Variants in MSI1 observed in about 807,000 individuals in gnomAD.
The protein encoded by MSI1 is RNA-binding protein Musashi homolog 1.
Under a neutral mutation model 54.4 loss-of-function variants are expected in MSI1, and 15 were observed. The ratio of observed to expected loss-of-function variants is 0.28; its 90% confidence interval spans 0.18 to 0.42. The LOEUF is 0.42. MSI1 is among the 20% of genes least tolerant of loss of function. MSI1 has a pLI of 1.00. For missense variants in MSI1, 304 were observed against 506.0 expected (o/e 0.60, Z 3.83); for synonymous variants, 200 against 196.5 (o/e 1.02, Z -0.15).
chr12:120,351,239 C>A, intron 11 of MSI1, 105 bp downstream of exon 11: 2 of 1,093,508 alleles, frequency 1.8e-6, no homozygotes, highest in Non-Finnish European at 1.4e-6. Context: ...GGAGGGCTGG[C>A]GGGCAGGAGA....
In MSI1 at chr12:120,368,938, G is replaced by A; in HGVS notation, c.60-65C>T. 1 of 1,275,044 alleles carries A rather than the reference G, an allele frequency of 7.8e-7. No individual in the cohort carries two copies. Among genetic ancestry groups the A allele is most frequent in the South Asian group, 2.0e-5 (1 of 48,900 alleles). 79.0% of individuals were successfully genotyped at this position (1,275,044 alleles called of 1,614,324 possible). ...CCGGGCGCCAGGGCGCAGGGGGCGCGGGCCCGGGCTCCGGGGAGGCCCGGC... is the reference window on the plus strand; with the variant it reads ...CCGGGCGCCAGGGCGCAGGGGGCGCAGGCCCGGGCTCCGGGGAGGCCCGGC... On this transcript the variant is annotated intron_variant, in intron 1 of 14. Transcript: ENST00000257552. This position sits in a 1 kb window ranked among gnomAD's most constrained non-coding sequence, Gnocchi z 6.6.
chr12:120,339,875 C>T (rs1873609664), downstream of MSI1, among the ~76,000 whole-genome samples: 1 of 151,542 alleles, frequency 6.6e-6, no homozygotes, highest in Non-Finnish European at 1.5e-5. Context: ...GTCTCCCTGG[C>T]TCAAGAAATC....
In MSI1 at chr12:120,364,762, GA is replaced by G; in HGVS notation, c.268-8del. 1 of 1,599,514 alleles carries G rather than the reference GA, an allele frequency of 6.3e-7. No homozygotes were observed. Among genetic ancestry groups the G allele is most frequent in the Non-Finnish European group, 8.5e-7 (1 of 1,173,198 alleles). Reference sequence around the variant, plus strand: ...AGGCCACCTTAGGGTCAATCTACAAGAAAAGGGAGAGGTAGAAGGGGTCTTG... The same window carrying G: ...AGGCCACCTTAGGGTCAATCTACAAGAAAGGGAGAGGTAGAAGGGGTCTTG... On this transcript the variant is annotated splice_region_variant and splice_polypyrimidine_tract_variant and intron_variant, in intron 4 of 14. Coordinates refer to ENST00000257552, the MANE Select transcript of MSI1 (RefSeq NM_002442.4).
chr12:120,347,294 G>A (rs905460437), intron 12 of MSI1, 152 bp downstream of exon 12: 18 of 1,009,336 alleles, frequency 1.8e-5, no homozygotes, highest in South Asian at 4.5e-5. Flanking sequence ...ATGCTGGCAC[G>A]ATGCCCAGCA....
intron 5 of MSI1, among the ~76,000 whole-genome samples, 195 bp from the exon 6 acceptor site, chr12:120,363,330 C>T (rs796565882): frequency 6.7e-6 from 1 of 150,232 alleles, no homozygotes; most frequent in African/African-American, 2.5e-5. Flanking sequence ...TGCACCCACA[C>T]CCTGGCTGGC....
At chr12:120,366,659 G>A (rs1565895089) in intron 4 of MSI1, among the ~76,000 whole-genome samples, 1 of 152,142 alleles carries the variant, frequency 6.6e-6, no homozygotes, top group Non-Finnish European at 1.5e-5. Flanking sequence ...AAAGGTGAAA[G>A]TCAGAGCTCA....
rs950745273 is a variant in MSI1 at position 120,342,503 on chromosome 12, C to G, written c.*624G>C. 2 of 152,404 alleles carry G rather than the reference C, an allele frequency of 1.3e-5. No individual in the cohort carries two copies. Among genetic ancestry groups the G allele is most frequent in the African/African-American group, 4.8e-5 (2 of 41,384 alleles). The allele number at this position is 152,404 out of a possible 1,614,324, so 9.4% of individuals were successfully genotyped here. ...CCTGGCCTCCCCGCAGCCCTGCCCT[C>G]CTCTCCAGGGCTGGAGGGAGGCGGC... On this transcript the variant is annotated 3_prime_UTR_variant, in exon 15 of 15. Coordinates refer to ENST00000257552, the MANE Select transcript of MSI1 (RefSeq NM_002442.4).
chr12:120,355,871 C>T (rs1461462462), intron 9 of MSI1, among the ~76,000 whole-genome samples: 1 of 140,880 alleles, frequency 7.1e-6, no homozygotes, highest in African/African-American at 3.1e-5. Context: ...CGTGCCCCCT[C>T]CTCTGAATTC....
Position 120,342,042 on chromosome 12 carries a change from C to T in MSI1, c.*1085G>A, listed in dbSNP as rs554919969. 1.3e-5 allele frequency: 2 copies of T among 152,602 alleles called. No individual in the cohort carries two copies. Among genetic ancestry groups the T allele is most frequent in the South Asian group, 2.1e-4 (1 of 4,816 alleles). 9.5% of individuals were successfully genotyped at this position (152,602 alleles called of 1,614,324 possible). On this transcript the variant is annotated 3_prime_UTR_variant, in exon 15 of 15. Coordinates refer to ENST00000257552, the MANE Select transcript of MSI1 (RefSeq NM_002442.4). ...AGAATGTGGGGGTTCCCTGAGACGC[C>T]CTTTGCTTTCCCCTGGGGTCTGCCC...
intron 6 of MSI1, among the ~76,000 whole-genome samples, chr12:120,359,576 T>G (rs1875456061): frequency 6.6e-6 from 1 of 152,086 alleles, no homozygotes; most frequent in South Asian, 2.1e-4. Context: ...TTAAAGCAAG[T>G]AGAGTTCAGT....
At chr12:120,351,546 T>C in intron 10 of MSI1, 146 bp from the exon 11 acceptor site, 1 of 663,952 alleles carries the variant, frequency 1.5e-6, no homozygotes, top group Non-Finnish European at 2.6e-6. Flanking sequence ...GAGAGCACAG[T>C]TCCCAGAAGG....
intron 9 of MSI1, among the ~76,000 whole-genome samples, chr12:120,355,274 G>A (rs748806145): frequency 7.3e-5 from 11 of 151,514 alleles, no homozygotes; most frequent in African/African-American, 9.7e-5. Context: ...GCACGGTGGC[G>A]GGCGCCTGTA....
chr12:120,367,683 G>T (rs947246076), intron 4 of MSI1, among the ~76,000 whole-genome samples: 1 of 152,092 alleles, frequency 6.6e-6, no homozygotes, highest in African/African-American at 2.4e-5. Context: ...CCCAATTTGG[G>T]CTGGGGGAGG....
At position 120,368,145 on chromosome 12, in the gene MSI1, G is replaced by C; in HGVS notation, c.182+47C>G. ...ATGGTTACAAGGCAGTGAGTGGCGG[G>C]TGGAGGGGGGCGAGCCGGGAGCAGG... On this transcript the variant is annotated intron_variant, in intron 3 of 14. Transcript: ENST00000257552. The surrounding 1 kb of genome is among the most constrained non-coding windows in gnomAD (Gnocchi z 6.6). 1 of 1,587,982 alleles carries C rather than the reference G, an allele frequency of 6.3e-7. No individual in the cohort carries two copies. The highest frequency in any genetic ancestry group is 8.6e-7 in the Non-Finnish European group (1 of 1,167,022).
rs1346084971 is a variant in MSI1 at position 120,342,977 on chromosome 12, GC to G, written c.*149del. On this transcript the variant is annotated 3_prime_UTR_variant, in exon 15 of 15. Coordinates refer to ENST00000257552, the MANE Select transcript of MSI1 (RefSeq NM_002442.4). ...TTGGGGGCAGCAGGGCAGGGGCCGG[GC>G]CCGGGGAGTTGGGGGCAGGCAGTAG... is the stretch of plus-strand genomic sequence containing the variant. 6.7e-6 allele frequency: 1 copy of G among 150,070 alleles called. No individual in the cohort carries two copies. The highest frequency in any genetic ancestry group is 1.5e-5 in the Non-Finnish European group (1 of 67,740). 9.3% of individuals were successfully genotyped at this position (150,070 alleles called of 1,614,324 possible). A position where few individuals can be genotyped will look rare whatever the true frequency, so the allele number is the denominator to read the frequency against.
chr12:120,353,506 T>G, intron 9 of MSI1, 127 bp from the exon 10 acceptor site: 2 of 792,484 alleles, frequency 2.5e-6, no homozygotes, highest in Non-Finnish European at 4.3e-6. Context: ...ACCCTCCAAA[T>G]ACCTTCTTCA....
chr12:120,368,058 C>G lies in MSI1; in HGVS notation c.217G>C (p.Gly73Arg). 6.2e-7 allele frequency: 1 copy of G among 1,613,852 alleles called. No individual in the cohort carries two copies. Among genetic ancestry groups the G allele is most frequent in the Non-Finnish European group, 8.5e-7 (1 of 1,179,912 alleles). The change falls in exon 4 of 15, where the codon GGG (glycine) becomes CGG (arginine). Residue 73 changes from glycine (G) to arginine (R), a missense_variant. By Grantham distance (125) the Gly-to-Arg change is moderately radical (BLOSUM62 -2). Coordinates refer to ENST00000257552, the MANE Select transcript of MSI1 (RefSeq NM_002442.4). This position sits in a 1 kb window ranked among gnomAD's most constrained non-coding sequence, Gnocchi z 6.6. ...FGFVTFMDQA[G>R]VDKVLAQSRH... ...GATTGCGCCAGCACTTTATCCACCC[C>G]CGCCTGGTCCATGAAAGTGACGAAG...
In MSI1 at chr12:120,368,376, G is replaced by A. The variant is rs1448855716; in HGVS notation, c.101-103C>T. On this transcript the variant is annotated intron_variant, in intron 2 of 14. Coordinates refer to ENST00000257552, the MANE Select transcript of MSI1 (RefSeq NM_002442.4). The surrounding 1 kb of genome is among the most constrained non-coding windows in gnomAD (Gnocchi z 6.6). ...CCCGGAGCGGCCCGGCCGCCCCCGC[G>A]CCAAGCTGCCCGCGCGTTCTCCACT... 4 of 1,199,836 alleles carry A rather than the reference G, an allele frequency of 3.3e-6. No homozygotes were observed. Among genetic ancestry groups the A allele is most frequent in the South Asian group, 3.0e-5 (2 of 65,780 alleles). 74.3% of individuals were successfully genotyped at this position (1,199,836 alleles called of 1,614,324 possible). A position where few individuals can be genotyped will look rare whatever the true frequency, so the allele number is the denominator to read the frequency against.
chr12:120,354,623 G>T (rs1441252971), intron 9 of MSI1, among the ~76,000 whole-genome samples: 1 of 152,062 alleles, frequency 6.6e-6, no homozygotes, highest in African/African-American at 2.4e-5. Flanking sequence ...TTGAGACAGG[G>T]TTTCTCCATG....
Sources: gnomAD v4.1 joint callset for allele counts (sites outside exome capture counted in the v4.1 genomes callset) on GRCh38, gnomAD v4.1.1 for gene constraint, Gnocchi (gnomAD v3.1) non-coding constraint, MANE v1.5 for transcripts, NCBI Gene and HGNC (gene_info 2026-07-23, HGNC 2026-07-21) for gene names.